TRPV2: variants seen among roughly 807,000 people sequenced by gnomAD.
TRPV2 encodes the protein transient receptor potential cation channel subfamily V member 2.
Under a neutral mutation model 91.0 loss-of-function variants are expected in TRPV2, and 58 were observed. The ratio of observed to expected loss-of-function variants is 0.64; its 90% confidence interval spans 0.52 to 0.79. The LOEUF is 0.79. Ranked by LOEUF, TRPV2 falls within the 30% of genes least tolerant of loss-of-function variation. The pLI is 0.00. For missense variants in TRPV2, 807 were observed against 969.6 expected (o/e 0.83, Z 2.23); for synonymous variants, 417 against 414.8 (o/e 1.01, Z -0.06).
chr17:16,433,452 T>C, intron 12 of TRPV2, 122 bp from the exon 13 acceptor site: 1 of 1,399,030 alleles, frequency 7.1e-7, no homozygotes, highest in Non-Finnish European at 9.7e-7. Flanking sequence ...TCCGCGTGTT[T>C]AGTTGACTTC....
chr17:16,417,634 G>A lies in TRPV2; in HGVS notation c.-35G>A. The A allele has an allele frequency of 5.6e-6, 9 of 1,610,908 alleles. No homozygotes were observed. The highest frequency in any genetic ancestry group is 7.6e-6 in the Non-Finnish European group (9 of 1,177,676). On this transcript the variant is annotated 5_prime_UTR_variant, in exon 2 of 15. Transcript: ENST00000338560. The stretch of plus-strand genomic sequence containing the variant: ...CCTTGACATCTCCATCTGCACAGAG[G>A]TCCTGGCTGGACCGAGCAGCCTCCT...
intron 8 of TRPV2, 98 bp downstream of exon 8, chr17:16,427,645 C>A: frequency 1.8e-6 from 2 of 1,140,664 alleles, no homozygotes; most frequent in Non-Finnish European, 2.5e-6. Context: ...TGACAATACC[C>A]AGTCCCACCC....
chr17:16,416,737 C>T (rs2093332442), intron 1 of TRPV2: 3 of 152,248 alleles, frequency 2.0e-5, no homozygotes, highest in African/African-American at 7.2e-5. Context: ...TCAGATCCGG[C>T]TCTGCCAACA....
intron 14 of TRPV2, 143 bp from the exon 15 acceptor site, chr17:16,436,646 G>A: frequency 1.5e-6 from 1 of 665,306 alleles, no homozygotes. Flanking sequence ...GGGAAGCAGG[G>A]AGAAGGATTG....
Position 16,422,334 on chromosome 17 carries a change from A to AAAAAG in TRPV2, c.335-245_335-241dup, listed in dbSNP as rs1261036151. 1.1e-3 allele frequency among the ~76,000 whole-genome samples: 164 copies of AAAAAG among 149,410 alleles called. 1 individual carries two copies. The highest frequency in any genetic ancestry group is 9.4e-3 in the South Asian group (45 of 4,800). Reference sequence around the variant, plus strand: ...CAAGACTCTGTCTCAAAAAAAAAAAAAAAAGAAAAGAAAAGAAAAGAAAAA... The same window carrying AAAAAG: ...CAAGACTCTGTCTCAAAAAAAAAAAAAAAAGAAAAGAAAAGAAAAGAAAAGAAAAA... On this transcript the variant is annotated intron_variant, in intron 3 of 14. Coordinates refer to ENST00000338560, the MANE Select transcript of TRPV2 (RefSeq NM_016113.5).
At chr17:16,419,852 C>T (rs943396838) in intron 2 of TRPV2, among the ~76,000 whole-genome samples, 14 of 152,222 alleles carry the variant, frequency 9.2e-5, no homozygotes. Context: ...TGACAAGCAC[C>T]TGATGCTGAA....
chr17:16,432,373 G>A, intron 12 of TRPV2, 73 bp downstream of exon 12: 2 of 1,401,786 alleles, frequency 1.4e-6, no homozygotes, highest in Non-Finnish European at 9.6e-7. Context: ...GGACCCTGCG[G>A]AGCTGGGCCT....
At chr17:16,424,161 GT>G (rs71152804) in intron 5 of TRPV2, among the ~76,000 whole-genome samples, 48,496 of 133,458 alleles carry the variant, frequency 0.36, 8,418 homozygotes, top group Non-Finnish European at 0.4. Flanking sequence ...AGCTAATTTT[GT>G]TTTTTTTTTT....
At chr17:16,418,526 C>G (rs2093341840) in intron 2 of TRPV2, among the ~76,000 whole-genome samples, 1 of 152,074 alleles carries the variant, frequency 6.6e-6, no homozygotes, top group Non-Finnish European at 1.5e-5. Context: ...CACAGAAGCC[C>G]CTTCTTCCCT....
At position 16,423,764 on chromosome 17, in the gene TRPV2, C is replaced by A; in HGVS notation, c.921C>A (p.Ile307=). The A allele has an allele frequency of 1.3e-6, 2 of 1,566,638 alleles. No individual in the cohort carries two copies. The highest frequency in any genetic ancestry group is 1.7e-5 in the Admixed American group (1 of 58,294). ...PLKLAAKEGK[I]EIFRHILQRE... ...AGCTGGCCGCCAAGGAGGGCAAGAT[C>A]GAGGTGAGCGGCTGTCCCCTTCCCA... Residue 307 remains isoleucine (I), a synonymous_variant, in exon 5 of 15, where the codon ATC becomes ATA. Transcript: ENST00000338560.
intron 9 of TRPV2, 110 bp from the exon 10 acceptor site, chr17:16,428,707 G>T (rs1420479024): frequency 1.6e-6 from 2 of 1,258,596 alleles, no homozygotes; most frequent in East Asian, 4.7e-5. Flanking sequence ...GGCCCACAGA[G>T]GTTAAATGTC....
At chr17:16,429,210 G>A (rs557558415) in intron 10 of TRPV2, among the ~76,000 whole-genome samples, 3 of 152,220 alleles carry the variant, frequency 2.0e-5, no homozygotes, top group Non-Finnish European at 4.4e-5. Flanking sequence ...GTGTCCACAC[G>A]GGAGCATGTG....
In TRPV2 at chr17:16,432,198, C is replaced by A; in HGVS notation, c.1887C>A (p.Tyr629Ter). 6.2e-7 allele frequency: 1 copy of A among 1,614,252 alleles called. No homozygotes were observed. Among genetic ancestry groups the A allele is most frequent in the Non-Finnish European group, 8.5e-7 (1 of 1,180,042 alleles). Residue 629 changes from tyrosine to a stop codon, truncating the protein, a stop_gained, in exon 12 of 15, where the codon TAC becomes TAA. Coordinates refer to ENST00000338560, the MANE Select transcript of TRPV2 (RefSeq NM_016113.5). LOFTEE classifies it high-confidence loss of function. Reference protein sequence around the residue: ...RGMVLLLLLAYVLLTYILLLN... With the variant: ...RGMVLLLLLA ...TGGTGCTGCTGCTGCTGCTGGCCTA[C>A]GTGCTGCTCACCTACATCCTGCTGC...
intron 14 of TRPV2, among the ~76,000 whole-genome samples, 175 bp from the exon 15 acceptor site, chr17:16,436,614 T>C (rs1271604276): frequency 1.3e-5 from 2 of 151,844 alleles, no homozygotes; most frequent in Non-Finnish European, 2.9e-5. Flanking sequence ...TGGCAGGGGA[T>C]TGGGAAATGC....
chr17:16,432,069 C>A lies in TRPV2; in HGVS notation c.1758C>A (p.Asn586Lys), dbSNP rs571408634. 69 of 1,613,832 alleles carry A rather than the reference C, an allele frequency of 4.3e-5. No homozygotes were observed. Among genetic ancestry groups the A allele is most frequent in the Non-Finnish European group, 5.6e-5 (66 of 1,179,844 alleles). ...TGGAGGGACAGGAGGACGAGGGCAA[C>A]GGGGCCCAGTACAGGGGTATCCTGG... ...QPMEGQEDEG[N>K]GAQYRGILEA... The change falls in exon 12 of 15, where the codon AAC becomes AAA. Residue 586 changes from asparagine to lysine, a missense_variant. Transcript: ENST00000338560.
chr17:16,421,471 G>GC (rs769998783), intron 3 of TRPV2, among the ~76,000 whole-genome samples: 3 of 150,820 alleles, frequency 2.0e-5, no homozygotes, highest in Non-Finnish European at 2.9e-5. Context: ...GCCCGCCTTG[G>GC]CCTACCAAAA....
chr17:16,426,749 C>T lies in TRPV2; in HGVS notation c.1123C>T (p.Pro375Ser), dbSNP rs776968167. 6.2e-7 allele frequency: 1 copy of T among 1,613,962 alleles called. No homozygotes were observed. Among genetic ancestry groups the T allele is most frequent in the Admixed American group, 1.7e-5 (1 of 60,004 alleles). ...CCGACACCGAATGGTCGTTTTGGAG[C>T]CCCTGAACAAACTGCTGCAGGCGAA... The part of the protein sequence containing the change: ...PHRHRMVVLE[P>S]LNKLLQAKWD... Residue 375 changes from proline (P) to serine (S), a missense_variant, in exon 7 of 15, where the codon CCC becomes TCC. Physicochemically the swap from Pro to Ser is moderately conservative, Grantham distance 74. Coordinates refer to ENST00000338560, the MANE Select transcript of TRPV2 (RefSeq NM_016113.5). This position sits in a 1 kb window ranked among gnomAD's most constrained non-coding sequence, Gnocchi z 6.0.
chr17:16,430,593 C>T (rs1568918063), intron 10 of TRPV2, among the ~76,000 whole-genome samples: 1 of 151,346 alleles, frequency 6.6e-6, no homozygotes, highest in Non-Finnish European at 1.5e-5. Context: ...TCAAGCGATT[C>T]TCCTGCCTCA....
chr17:16,428,492 C>T, intron 9 of TRPV2, 105 bp downstream of exon 9: 1 of 1,270,328 alleles, frequency 7.9e-7, no homozygotes, highest in Non-Finnish European at 1.1e-6. Flanking sequence ...GACACGGGGC[C>T]CAGGAAGTCG....
Sources: gnomAD v4.1 joint callset for allele counts (sites outside exome capture counted in the v4.1 genomes callset) on GRCh38, gnomAD v4.1.1 for gene constraint, Gnocchi (gnomAD v3.1) non-coding constraint, MANE v1.5 for transcripts, NCBI Gene and HGNC (gene_info 2026-07-23, HGNC 2026-07-21) for gene names.